The following MIDEAS variants were observed in gnomAD, a reference collection of about 807,000 sequenced individuals.
MIDEAS encodes mitotic deacetylase associated SANT domain protein.
MIDEAS carries 26 observed loss-of-function variants against 102.7 expected under a neutral mutation model. The observed-to-expected ratio is 0.25, with a 90% CI of 0.19 to 0.35. MIDEAS has a LOEUF of 0.35. Among genes scored for constraint, MIDEAS ranks in the 10% least tolerant of loss-of-function variants. The pLI is 1.00. For synonymous variants in MIDEAS, 585 were observed against 591.0 expected, an observed-to-expected ratio of 0.99 and a Z score of 0.15; for missense variants, 1,231 against 1,435.6, an observed-to-expected ratio of 0.86 and a Z score of 2.30.
chr14:73,756,746 C>T (rs1214584554), intron 1 of MIDEAS, among the ~76,000 whole-genome samples: 1 of 152,188 alleles, frequency 6.6e-6, no homozygotes, highest in Non-Finnish European at 1.5e-5. Flanking sequence ...ACAACTCTTT[C>T]ACCCTGAGGT....
In MIDEAS at chr14:73,727,618, TG is replaced by T. The variant is rs2053082127; in HGVS notation, c.2096-95del. 2.5e-6 allele frequency: 3 copies of T among 1,222,492 alleles called. No homozygotes were observed. In the African/African-American group the frequency reaches 4.6e-5, roughly 19 times the overall value. 75.7% of individuals were successfully genotyped at this position (1,222,492 alleles called of 1,614,324 possible). A position where few individuals can be genotyped will look rare whatever the true frequency, so the allele number is the denominator to read the frequency against. On this transcript the variant is annotated intron_variant, in intron 4 of 12. Transcript: ENST00000423556. ...TGCCCTGTATGTGCAAGAGTCACAG[TG>T]GTGACACACAGAGCTCACGCAGGGA...
rs764060195 is a variant in MIDEAS at position 73,715,435 on chromosome 14, A to G, written c.*3408T>C. On this transcript the variant is annotated 3_prime_UTR_variant, in exon 13 of 13. Transcript: ENST00000423556. The stretch of plus-strand genomic sequence containing the variant: ...CAAAATAAAAGGAATATACTTATTT[A>G]TATGCTATTAAAATATCTGTACAAT... 6.6e-5 allele frequency: 10 copies of G among 152,654 alleles called. No homozygotes were observed. Among genetic ancestry groups the G allele is most frequent in the Non-Finnish European group, 1.2e-4 (8 of 68,040 alleles). 9.5% of individuals were successfully genotyped at this position (152,654 alleles called of 1,614,324 possible). A position where few individuals can be genotyped will look rare whatever the true frequency, so the allele number is the denominator to read the frequency against.
chr14:73,738,547 A>C lies in MIDEAS; in HGVS notation c.1449+13T>G. The C allele has an allele frequency of 6.5e-7, 1 of 1,533,846 alleles. No individual in the cohort carries two copies. On this transcript the variant is annotated intron_variant, in intron 2 of 12. Coordinates refer to ENST00000423556, the MANE Select transcript of MIDEAS (RefSeq NM_001367710.1). Reference sequence around the variant, plus strand: ...CCTCTGCCAGGTGTGGCTCCACTGCATGCCACTCTCACCTTTGCATTCTGC... The same window carrying C: ...CCTCTGCCAGGTGTGGCTCCACTGCCTGCCACTCTCACCTTTGCATTCTGC...
chr14:73,732,762 G>A (rs1280956356), intron 3 of MIDEAS, among the ~76,000 whole-genome samples: 1 of 136,304 alleles, frequency 7.3e-6, no homozygotes, highest in Admixed American at 7.9e-5. Flanking sequence ...CTCTAGCCGG[G>A]GTGACACAGT....
chr14:73,784,458 TTCTC>T (rs1303174142), intron 1 of MIDEAS, among the ~76,000 whole-genome samples: 1 of 152,254 alleles, frequency 6.6e-6, no homozygotes, highest in African/African-American at 2.4e-5. Context: ...GCTTCCTTCT[TTCTC>T]TGGCCTTTAC....
intron 1 of MIDEAS, among the ~76,000 whole-genome samples, chr14:73,768,207 T>A (rs1259727641): frequency 6.6e-6 from 1 of 152,104 alleles, no homozygotes; most frequent in Admixed American, 6.6e-5. Flanking sequence ...TGAGATGATA[T>A]GAGCCTACTG....
At chr14:73,764,349 A>AC (rs1369670727), upstream of MIDEAS, among the ~76,000 whole-genome samples, 26 of 133,284 alleles carry the variant, frequency 2.0e-4, no homozygotes, top group African/African-American at 6.6e-4. Context: ...CAAAAAAAAA[A>AC]AAAAAAAAAA....
At chr14:73,776,715 G>C (rs923410017) in intron 1 of MIDEAS, among the ~76,000 whole-genome samples, 5 of 151,908 alleles carry the variant, frequency 3.3e-5, no homozygotes, top group Non-Finnish European at 5.9e-5. Flanking sequence ...ACCTGTGGTT[G>C]TGAGTCCTGA....
At chr14:73,785,112 A>C (rs1480194513) in intron 1 of MIDEAS, among the ~76,000 whole-genome samples, 5 of 152,254 alleles carry the variant, frequency 3.3e-5, no homozygotes, top group African/African-American at 1.2e-4. Flanking sequence ...CTAGCCACAC[A>C]GCAACGTAGC....
At chr14:73,736,941 C>A (rs1424300629) in intron 3 of MIDEAS, 57 bp downstream of exon 3, 2 of 1,540,606 alleles carry the variant, frequency 1.3e-6, no homozygotes, top group Non-Finnish European at 1.8e-6. Flanking sequence ...CCCATAGGGT[C>A]CTGGGCCCCC....
Position 73,717,370 on chromosome 14 carries a change from C to T in MIDEAS, c.*1473G>A, listed in dbSNP as rs1419951462. On this transcript the variant is annotated 3_prime_UTR_variant, in exon 13 of 13. Coordinates refer to ENST00000423556, the MANE Select transcript of MIDEAS (RefSeq NM_001367710.1). Reference sequence around the variant, plus strand: ...CCTGGCCCTTTCACTTCACCCATGCCAAATATGGCTTCTTCAAGCCAGAAT... The same window carrying T: ...CCTGGCCCTTTCACTTCACCCATGCTAAATATGGCTTCTTCAAGCCAGAAT... 2 of 152,170 alleles carry T rather than the reference C, an allele frequency of 1.3e-5. No homozygotes were observed. Among genetic ancestry groups the T allele is most frequent in the East Asian group, 1.9e-4 (1 of 5,194 alleles). The allele number at this position is 152,170 out of a possible 1,614,324, so 9.4% of individuals were successfully genotyped here.
intron 3 of MIDEAS, among the ~76,000 whole-genome samples, chr14:73,736,016 G>A (rs1372154708): frequency 6.6e-6 from 1 of 152,106 alleles, no homozygotes; most frequent in Non-Finnish European, 1.5e-5. Flanking sequence ...AATTAGCCAG[G>A]CTTCGTGATG....
In MIDEAS at chr14:73,760,149, AAGAG is replaced by A. The variant is rs983130996; in HGVS notation, c.-638_-635del. On this transcript the variant is annotated 5_prime_UTR_variant, in exon 1 of 13. Transcript: ENST00000423556. This position sits in a 1 kb window ranked among gnomAD's most constrained non-coding sequence, Gnocchi z 4.8. ...GAGCTCACAGCTTGAAAAAAAAAAAAAGAGAGAGGGCGAGAGGCAACAGCGGAGG... is the reference window on the plus strand; with the variant it reads ...GAGCTCACAGCTTGAAAAAAAAAAAAAGAGGGCGAGAGGCAACAGCGGAGG... 3.3e-5 allele frequency: 5 copies of A among 151,568 alleles called. No individual in the cohort carries two copies. The highest frequency in any genetic ancestry group is 5.9e-5 in the Non-Finnish European group (4 of 68,146). The allele number at this position is 151,568 out of a possible 1,614,324, so 9.4% of individuals were successfully genotyped here. A position where few individuals can be genotyped will look rare whatever the true frequency, so the allele number is the denominator to read the frequency against.
chr14:73,727,203 A>AAG, intron 5 of MIDEAS: 1 of 635,906 alleles, frequency 1.6e-6, no homozygotes, highest in Admixed American at 3.0e-5. Flanking sequence ...ACAGATGGGA[A>AAG]AGAGCCTCTG....
chr14:73,729,462 C>T (rs912005650), intron 4 of MIDEAS, among the ~76,000 whole-genome samples, 178 bp downstream of exon 4: 2 of 152,094 alleles, frequency 1.3e-5, no homozygotes, highest in African/African-American at 4.8e-5. Flanking sequence ...CTGGGCGGGC[C>T]CCCCACCCCT....
chr14:73,781,819 G>T (rs1439901362), intron 1 of MIDEAS, among the ~76,000 whole-genome samples: 1 of 151,930 alleles, frequency 6.6e-6, no homozygotes, highest in Non-Finnish European at 1.5e-5. Flanking sequence ...AGGTTAGGGA[G>T]GCCAAGGCGG....
intron 1 of MIDEAS, among the ~76,000 whole-genome samples, chr14:73,741,937 G>T (rs1028271004): frequency 7.9e-5 from 12 of 152,148 alleles, no homozygotes; most frequent in African/African-American, 2.4e-4. Flanking sequence ...AGAGGGGAGT[G>T]GGGGGATTTG....
intron 2 of MIDEAS, 81 bp downstream of exon 2, chr14:73,738,479 G>A (rs1401508244): frequency 4.2e-6 from 6 of 1,427,790 alleles, no homozygotes; most frequent in Non-Finnish European, 5.5e-6. Context: ...CTTTCCCTAG[G>A]CAAGAAGCAA....
At chr14:73,758,684 T>G (rs954715781) in intron 1 of MIDEAS, 4 of 154,454 alleles carry the variant, frequency 2.6e-5, no homozygotes, top group African/African-American at 7.2e-5. Context: ...ACCGTAGTTG[T>G]GACCAACAAA....
Sources: allele counts gnomAD v4.1 joint callset (sites outside exome capture counted in the v4.1 genomes callset), GRCh38; gene constraint gnomAD v4.1.1; non-coding constraint Gnocchi (gnomAD v3.1); transcripts MANE v1.5; gene names NCBI Gene and HGNC (gene_info 2026-07-23, HGNC 2026-07-21).